The following BMPR1B variants were observed in gnomAD, a reference collection of about 807,000 sequenced individuals.
The protein encoded by BMPR1B is bone morphogenetic protein receptor type-1B.
A neutral mutation model predicts 59.1 loss-of-function variants in BMPR1B; 12 were observed. That is an observed-to-expected ratio of 0.20 (90% CI 0.13 to 0.33). The LOEUF (loss-of-function observed/expected upper bound fraction) is 0.33, where lower values mean the gene tolerates loss of function less well. Ranked by LOEUF, BMPR1B falls within the 10% of genes least tolerant of loss-of-function variation. The probability of loss-of-function intolerance (pLI) is 1.00; values close to 1 mark genes in which losing one functional copy is unlikely to be tolerated. For missense variants in BMPR1B, 550 were observed against 610.9 expected, an observed-to-expected ratio of 0.90 and a Z score of 1.05; for synonymous variants, 237 against 207.3, an observed-to-expected ratio of 1.14 and a Z score of -1.23.
At chr4:94,964,382 G>C (rs919241078) in intron 2 of BMPR1B, among the ~76,000 whole-genome samples, 20 of 152,106 alleles carry the variant, frequency 1.3e-4, no homozygotes, top group Admixed American at 2.0e-4. Context: ...GGTAAAAGTG[G>C]ATATCCTTGT....
chr4:94,890,127 A>G (rs993242083), intron 2 of BMPR1B, among the ~76,000 whole-genome samples: 7 of 152,090 alleles, frequency 4.6e-5, no homozygotes, highest in African/African-American at 1.2e-4. Context: ...TAATGTGGTC[A>G]AGGGATTTAT....
At chr4:94,775,017 A>T (rs965647049) in intron 1 of BMPR1B, among the ~76,000 whole-genome samples, 5 of 152,184 alleles carry the variant, frequency 3.3e-5, no homozygotes, top group Non-Finnish European at 7.4e-5. Context: ...CGAAAAAGGA[A>T]AAAAATTCTC....
In BMPR1B at chr4:95,157,430, T is replaced by A. The variant is rs544451944; in HGVS notation, c.*2757T>A. On this transcript the variant is annotated 3_prime_UTR_variant, in exon 13 of 13. Coordinates refer to ENST00000515059, the MANE Select transcript of BMPR1B (RefSeq NM_001203.3). ...GGCTCAGAAGTGAATTTTATTTTAT[T>A]TGTCTTTCACTTGAATAAATGAGAA... is the stretch of plus-strand genomic sequence containing the variant. 6.6e-6 allele frequency: 1 copy of A among 152,176 alleles called. No homozygotes were observed. Among genetic ancestry groups the A allele is most frequent in the Non-Finnish European group, 1.5e-5 (1 of 67,966 alleles). 9.4% of individuals were successfully genotyped at this position (152,176 alleles called of 1,614,324 possible). A position where few individuals can be genotyped will look rare whatever the true frequency, so the allele number is the denominator to read the frequency against.
At chr4:94,834,190 G>A (rs764720124) in intron 1 of BMPR1B, among the ~76,000 whole-genome samples, 6 of 152,128 alleles carry the variant, frequency 3.9e-5, no homozygotes, top group South Asian at 2.1e-4. Flanking sequence ...GCCTGTCTGC[G>A]GTGAGTATCA....
chr4:94,897,713 C>T (rs933154479), intron 2 of BMPR1B, among the ~76,000 whole-genome samples: 52 of 151,968 alleles, frequency 3.4e-4, no homozygotes, highest in African/African-American at 1.2e-3. Context: ...ATAAGATGTT[C>T]AGCCAAGAAG....
At chr4:95,112,529 A>G (rs1162199287) in intron 4 of BMPR1B, among the ~76,000 whole-genome samples, 1 of 152,140 alleles carries the variant, frequency 6.6e-6, no homozygotes, top group Non-Finnish European at 1.5e-5. Flanking sequence ...CTGGAGAGCA[A>G]TGTCAGTGAG....
intron 2 of BMPR1B, among the ~76,000 whole-genome samples, chr4:94,915,995 C>G (rs1386744893): frequency 6.6e-6 from 1 of 152,112 alleles, no homozygotes; most frequent in Non-Finnish European, 1.5e-5. Flanking sequence ...CATGCTTGCT[C>G]CCATTTTGCC....
At chr4:95,012,370 C>T (rs899672158) in intron 3 of BMPR1B, among the ~76,000 whole-genome samples, 5 of 152,104 alleles carry the variant, frequency 3.3e-5, no homozygotes, top group Non-Finnish European at 7.3e-5. Context: ...GATGTACACA[C>T]ATATTTAGAA....
At chr4:95,151,969 C>G (rs914560602) in intron 11 of BMPR1B, among the ~76,000 whole-genome samples, 1 of 151,990 alleles carries the variant, frequency 6.6e-6, no homozygotes, top group African/African-American at 2.4e-5. Context: ...GTTTAGTGTG[C>G]ATTTTTATGA....
chr4:94,782,463 C>T (rs1209976497), intron 1 of BMPR1B, among the ~76,000 whole-genome samples: 1 of 151,810 alleles, frequency 6.6e-6, no homozygotes, highest in Non-Finnish European at 1.5e-5. Context: ...TGTGACCATA[C>T]CTGGCTAATT....
chr4:94,951,969 T>C (rs574689286), intron 2 of BMPR1B, among the ~76,000 whole-genome samples: 2 of 152,298 alleles, frequency 1.3e-5, no homozygotes, highest in South Asian at 4.1e-4. Context: ...TTCGACTTCT[T>C]CCTGGTTTAG....
At chr4:95,095,175 G>C (rs1243966206) in intron 3 of BMPR1B, among the ~76,000 whole-genome samples, 1 of 151,944 alleles carries the variant, frequency 6.6e-6, no homozygotes, top group Non-Finnish European at 1.5e-5. Flanking sequence ...AATTTAGACA[G>C]TGAATTGAGT....
chr4:94,988,927 A>G (rs188492311), intron 2 of BMPR1B, among the ~76,000 whole-genome samples: 117 of 152,138 alleles, frequency 7.7e-4, no homozygotes, highest in South Asian at 2.7e-3. Flanking sequence ...CCTAGAGTCA[A>G]TTTTCTTTCT....
chr4:95,097,630 T>TG (rs756160087), intron 3 of BMPR1B, among the ~76,000 whole-genome samples: 2 of 152,044 alleles, frequency 1.3e-5, no homozygotes, highest in Non-Finnish European at 2.9e-5. Flanking sequence ...CTCCACCTCC[T>TG]GGGTTCAAGT....
intron 1 of BMPR1B, among the ~76,000 whole-genome samples, chr4:94,827,944 C>T (rs1323888291): frequency 2.0e-5 from 3 of 152,144 alleles, no homozygotes. Flanking sequence ...TTCCTTTTCT[C>T]AGTTAACCAA....
intron 3 of BMPR1B, among the ~76,000 whole-genome samples, chr4:95,056,029 T>C (rs1268798710): frequency 1.3e-5 from 2 of 152,188 alleles, no homozygotes; most frequent in Non-Finnish European, 2.9e-5. Flanking sequence ...ACTTTTCAAA[T>C]GCATATCTAT....
At chr4:94,917,452 G>T (rs1744842090) in intron 2 of BMPR1B, among the ~76,000 whole-genome samples, 1 of 152,220 alleles carries the variant, frequency 6.6e-6, no homozygotes, top group African/African-American at 2.4e-5. Flanking sequence ...GCAGCAGTGT[G>T]CCCTGGATGT....
Position 94,817,399 on chromosome 4 carries a change from C to T in BMPR1B, c.-182-58432C>T, listed in dbSNP as rs140049109. On this transcript the variant is annotated intron_variant, in intron 1 of 12. Transcript: ENST00000515059. The stretch of plus-strand genomic sequence containing the variant: ...TGGGGAACTGAACTTTTAAATAATA[C>T]GTTATATCAGTTTTATAGTTTCAGA... Among the ~76,000 whole-genome samples the T allele has an allele frequency of 9.5e-3, 1,443 of 152,174 alleles. 22 individuals carry two copies. The highest frequency in any genetic ancestry group is 0.032 in the African/African-American group (1,346 of 41,530).
At chr4:95,031,675 A>T (rs1724867831) in intron 3 of BMPR1B, among the ~76,000 whole-genome samples, 1 of 152,124 alleles carries the variant, frequency 6.6e-6, no homozygotes, top group African/African-American at 2.4e-5. Context: ...GATCATGGGG[A>T]TAGGAGTAGA....
Sources: allele counts gnomAD v4.1 joint callset (sites outside exome capture counted in the v4.1 genomes callset), GRCh38; gene constraint gnomAD v4.1.1; transcripts MANE v1.5; gene names NCBI Gene and HGNC (gene_info 2026-07-23, HGNC 2026-07-21).